Variants in KIAA1671 observed in about 807,000 individuals in gnomAD.
KIAA1671 encodes the protein uncharacterized protein KIAA1671.
KIAA1671 carries 52 observed loss-of-function variants against 131.2 expected under a neutral mutation model. That is an observed-to-expected ratio of 0.40 (90% CI 0.32 to 0.50). The LOEUF (loss-of-function observed/expected upper bound fraction) is 0.50, where lower values mean the gene tolerates loss of function less well. Ranked by LOEUF, KIAA1671 falls within the 20% of genes least tolerant of loss-of-function variation. KIAA1671 has a pLI of 0.73. For synonymous variants in KIAA1671, 1,003 were observed against 961.6 expected (o/e 1.04, Z -0.80); for missense variants, 2,360 against 2,364.2 (o/e 1.00, Z 0.04).
intron 1 of KIAA1671, among the ~76,000 whole-genome samples, chr22:24,963,218 G>T (rs1234948428): frequency 6.6e-6 from 1 of 151,912 alleles, no homozygotes; most frequent in African/African-American, 2.4e-5. Context: ...ACAAAAATTA[G>T]CCGGGCTTTG....
At chr22:25,033,553 T>C (rs1926403550) in intron 4 of KIAA1671, among the ~76,000 whole-genome samples, 1 of 151,248 alleles carries the variant, frequency 6.6e-6, no homozygotes, top group Non-Finnish European at 1.5e-5. Flanking sequence ...TCTTAGTTGT[T>C]TTTTTGGTTG....
chr22:25,174,288 GC>G lies in KIAA1671; in HGVS notation c.4704del (p.Ser1569AlafsTer58). The G allele has an allele frequency of 6.4e-7, 1 of 1,551,634 alleles. No homozygotes were observed. ...GCAGTGCCACATCGACAAGGAAACA[GC>G]CCCCCAGCAGCCGTTTGTCTTCTCT... ...DSSATSTRKQ[P>X]PSSRLSSLSS... On this transcript the variant is annotated frameshift_variant, in exon 8 of 13. Coordinates refer to ENST00000358431, the MANE Select transcript of KIAA1671 (RefSeq NM_001145206.2). LOFTEE classifies it high-confidence loss of function.
At chr22:25,015,071 T>C (rs1925231485) in intron 1 of KIAA1671, 2 of 152,190 alleles carry the variant, frequency 1.3e-5, no homozygotes, top group Non-Finnish European at 2.9e-5. Context: ...AAAGCCCTTT[T>C]CTACAAAAAA....
intron 6 of KIAA1671, among the ~76,000 whole-genome samples, chr22:25,121,829 A>T (rs1057109563): frequency 1.3e-5 from 2 of 152,206 alleles, no homozygotes; most frequent in African/African-American, 4.8e-5. Context: ...TTTTGCTTTT[A>T]ATGTGATTTC....
At chr22:25,067,631 G>A (rs1249724787) in intron 6 of KIAA1671, among the ~76,000 whole-genome samples, 1 of 151,832 alleles carries the variant, frequency 6.6e-6, no homozygotes, top group Non-Finnish European at 1.5e-5. Flanking sequence ...CCTGCGCCTG[G>A]CCTGCCATCC....
At chr22:24,984,914 A>G (rs13054820) in intron 1 of KIAA1671, among the ~76,000 whole-genome samples, 10 of 60,206 alleles carry the variant, frequency 1.7e-4, no homozygotes, top group Admixed American at 1.1e-3. Context: ...CTACGTCTCA[A>G]AAAAAAAAAA....
chr22:25,055,958 C>A (rs1927819823), intron 6 of KIAA1671: 1 of 149,296 alleles, frequency 6.7e-6, no homozygotes, highest in African/African-American at 2.4e-5. Context: ...TGAGTTCAAA[C>A]CATCCTCCCA....
At chr22:25,180,244 T>C (rs534108047) in intron 9 of KIAA1671, among the ~76,000 whole-genome samples, 1 of 152,350 alleles carries the variant, frequency 6.6e-6, no homozygotes, top group East Asian at 1.9e-4. Flanking sequence ...CATGAAAGAC[T>C]TTTAAGAAGA....
At chr22:24,958,864 C>T (rs2123794468) in intron 1 of KIAA1671, among the ~76,000 whole-genome samples, 1 of 151,794 alleles carries the variant, frequency 6.6e-6, no homozygotes, top group Non-Finnish European at 1.5e-5. Flanking sequence ...TGCCTGTAAT[C>T]CCAGCTACTT....
chr22:25,144,154 C>G (rs1052358211), intron 6 of KIAA1671, among the ~76,000 whole-genome samples: 7 of 152,168 alleles, frequency 4.6e-5, no homozygotes, highest in Non-Finnish European at 1.0e-4. Flanking sequence ...CTTTCTCCTG[C>G]CCCTTCCCTT....
chr22:24,973,680 G>A (rs1258113813), intron 1 of KIAA1671, among the ~76,000 whole-genome samples: 1 of 151,926 alleles, frequency 6.6e-6, no homozygotes, highest in Non-Finnish European at 1.5e-5. Flanking sequence ...ACAGGCATGA[G>A]CCACCATGCC....
chr22:25,182,989 CACG>C (rs1934343402), intron 10 of KIAA1671, among the ~76,000 whole-genome samples: 1 of 152,204 alleles, frequency 6.6e-6, no homozygotes, highest in Admixed American at 6.5e-5. Flanking sequence ...CCCTCCTCCC[CACG>C]TCCAGCTCTC....
intron 6 of KIAA1671, chr22:25,054,998 C>CGCAGTGT (rs1758233835): frequency 1.3e-5 from 2 of 149,360 alleles, no homozygotes. Flanking sequence ...CCTGGACACC[C>CGCAGTGT]GCAGTGTTTG....
At chr22:25,179,519 G>A in intron 9 of KIAA1671, 1 of 1,607,196 alleles carries the variant, frequency 6.2e-7, no homozygotes, top group Non-Finnish European at 8.5e-7. Context: ...GTGCTCGCGC[G>A]GCTCCACCAG....
Position 25,100,818 on chromosome 22 carries a change from C to T in KIAA1671, c.4530+51454C>T, listed in dbSNP as rs73399815. On this transcript the variant is annotated intron_variant, in intron 6 of 12. Transcript: ENST00000358431. The stretch of plus-strand genomic sequence containing the variant: ...TATAGTACCTGGTTCATAGTAGACA[C>T]TCAAGAAAGTGCCTGTTGAAGTCAG... 1.9e-3 allele frequency among the ~76,000 whole-genome samples: 288 copies of T among 152,256 alleles called. 1 individual carries two copies. Among genetic ancestry groups the T allele is most frequent in the African/African-American group, 6.8e-3 (282 of 41,544 alleles).
chr22:25,168,913 T>G (rs1236361562), intron 6 of KIAA1671, among the ~76,000 whole-genome samples: 2 of 151,998 alleles, frequency 1.3e-5, no homozygotes, highest in Admixed American at 1.3e-4. Flanking sequence ...ATGTGGGGGC[T>G]CACTTTCAAG....
rs181013188 is a variant in KIAA1671, at chr22:24,957,233, G to A, written c.-208+4461G>A. Among the ~76,000 whole-genome samples the A allele has an allele frequency of 2.0e-5, 3 of 152,210 alleles. 1 individual carries two copies. The highest frequency in any genetic ancestry group is 3.9e-4 in the East Asian group (2 of 5,172). On this transcript the variant is annotated intron_variant, in intron 1 of 12. Coordinates refer to ENST00000358431, the MANE Select transcript of KIAA1671 (RefSeq NM_001145206.2). ...AGGGAGTGACCCACAGGTGATACTT[G>A]AGTCTTAAAGGATGAGTAGGAGGGA...
intron 6 of KIAA1671, among the ~76,000 whole-genome samples, chr22:25,133,190 G>A (rs1054528865): frequency 1.3e-5 from 2 of 152,092 alleles, no homozygotes; most frequent in Non-Finnish European, 1.5e-5. Context: ...CGTGGTCCTT[G>A]GCACCCTGCT....
intron 6 of KIAA1671, among the ~76,000 whole-genome samples, chr22:25,080,228 C>T (rs941693443): frequency 1.3e-5 from 2 of 152,178 alleles, no homozygotes; most frequent in East Asian, 1.9e-4. Context: ...TCCACCTCTT[C>T]CCGTAGCTCC....
Sources: gnomAD v4.1 joint callset for allele counts (sites outside exome capture counted in the v4.1 genomes callset) on GRCh38, gnomAD v4.1.1 for gene constraint, MANE v1.5 for transcripts, NCBI Gene and HGNC (gene_info 2026-07-23, HGNC 2026-07-21) for gene names.